The following CLMP variants were observed in gnomAD, a reference collection of about 807,000 sequenced individuals.
CLMP encodes CXADR like cell adhesion molecule, also known as CXADR-like membrane protein.
A neutral mutation model predicts 45.2 loss-of-function variants in CLMP; 27 were observed. The ratio of observed to expected loss-of-function variants is 0.60; its 90% CI spans 0.44 to 0.82. The LOEUF is 0.82. Ranked by LOEUF, CLMP falls within the 40% of genes least tolerant of loss-of-function variation. CLMP has a pLI of 0.00. For synonymous variants in CLMP, 167 were observed against 171.4 expected, an observed-to-expected ratio of 0.97 and a Z score of 0.20; for missense variants, 403 against 448.4, an observed-to-expected ratio of 0.90 and a Z score of 0.91.
chr11:123,083,724 T>G lies in CLMP; in HGVS notation c.512A>C (p.Glu171Ala). The change falls in exon 4 of 7, where the codon GAG (glutamate) becomes GCG (alanine). Residue 171 changes from glutamate to alanine, a missense_variant. Transcript: ENST00000448775. ...PIVYYWQRIR[E>A]KEGEDERLPP... ...CAGACGTTCATCCTCTCCCTCTTTC[T>G]CTCGGATTCGCTGCCAGTAATACAC... The G allele has an allele frequency of 6.2e-7, 1 of 1,614,094 alleles. No individual in the cohort carries two copies. The highest frequency in any genetic ancestry group is 8.5e-7 in the Non-Finnish European group (1 of 1,180,034).
chr11:123,095,846 A>G (rs975364559), intron 2 of CLMP, among the ~76,000 whole-genome samples: 8 of 152,216 alleles, frequency 5.3e-5, no homozygotes, highest in Non-Finnish European at 1.2e-4. Context: ...ACTTAGCAGC[A>G]TTCTTGCTCA....
chr11:123,109,176 C>T (rs1042763012), intron 1 of CLMP, among the ~76,000 whole-genome samples: 1 of 150,986 alleles, frequency 6.6e-6, no homozygotes, highest in African/African-American at 2.4e-5. Flanking sequence ...CATTAAAAAA[C>T]TGCACTGAGC....
At chr11:123,132,126 C>A (rs1861000775) in intron 1 of CLMP, among the ~76,000 whole-genome samples, 1 of 152,228 alleles carries the variant, frequency 6.6e-6, no homozygotes, top group Admixed American at 6.5e-5. Context: ...AGGAGCAGAA[C>A]TGAACCAAGT....
chr11:123,186,047 C>A (rs1324233516), intron 1 of CLMP, among the ~76,000 whole-genome samples: 1 of 152,164 alleles, frequency 6.6e-6, no homozygotes, highest in Non-Finnish European at 1.5e-5. Context: ...GACCTGGCTG[C>A]CTCGTCATGC....
intron 1 of CLMP, among the ~76,000 whole-genome samples, chr11:123,098,743 G>A (rs1866020132): frequency 7.5e-6 from 1 of 132,490 alleles, no homozygotes; most frequent in African/African-American, 2.9e-5. Context: ...GTCTCGCTCT[G>A]TCACCCAGGC....
At chr11:123,153,846 C>CTTT (rs60591379) in intron 1 of CLMP, among the ~76,000 whole-genome samples, 1 of 123,948 alleles carries the variant, frequency 8.1e-6, no homozygotes, top group African/African-American at 3.1e-5. Flanking sequence ...CCATGCCTCA[C>CTTT]TTTTTTTTTT....
At chr11:123,130,415 TA>T (rs199666853) in intron 1 of CLMP, among the ~76,000 whole-genome samples, 1 of 152,112 alleles carries the variant, frequency 6.6e-6, no homozygotes, top group African/African-American at 2.4e-5. Flanking sequence ...TCGGCAAAAT[TA>T]AAAAGGAAGA....
At chr11:123,076,327 T>TCAGTGCCTACCCTGAGCCAGG (rs1865740149) in intron 5 of CLMP, among the ~76,000 whole-genome samples, 1 of 152,246 alleles carries the variant, frequency 6.6e-6, no homozygotes, top group Non-Finnish European at 1.5e-5. Context: ...AATATTTATT[T>TCAGTGCCTACCCTGAGCCAGG]CAGTGCCTAC....
chr11:123,110,007 G>C (rs184836211), intron 1 of CLMP, among the ~76,000 whole-genome samples: 77 of 152,228 alleles, frequency 5.1e-4, no homozygotes, highest in Non-Finnish European at 9.7e-4. Flanking sequence ...AGACCAAGGG[G>C]CAGCATTGTA....
At chr11:123,103,637 G>T (rs908573942) in intron 1 of CLMP, among the ~76,000 whole-genome samples, 1 of 152,106 alleles carries the variant, frequency 6.6e-6, no homozygotes, top group African/African-American at 2.4e-5. Context: ...CAGTTCGTTA[G>T]ACTCCAGGAG....
chr11:123,175,593 G>T (rs1196701284), intron 1 of CLMP, among the ~76,000 whole-genome samples: 1 of 152,174 alleles, frequency 6.6e-6, no homozygotes, highest in Non-Finnish European at 1.5e-5. Flanking sequence ...GAGTAGTTGG[G>T]ACTACAGGTG....
intron 1 of CLMP, among the ~76,000 whole-genome samples, chr11:123,189,137 C>T (rs1220263932): frequency 6.6e-6 from 1 of 152,210 alleles, no homozygotes; most frequent in African/African-American, 2.4e-5. Flanking sequence ...CATCCAAACA[C>T]ATTTCTTAAC....
intron 1 of CLMP, among the ~76,000 whole-genome samples, chr11:123,122,994 C>T (rs902630122): frequency 8.5e-5 from 13 of 152,124 alleles, no homozygotes; most frequent in African/African-American, 2.7e-4. Context: ...CAAAATAACT[C>T]GTTCTTGCAC....
chr11:123,098,701 A>ATTTTT (rs1156546713), intron 1 of CLMP, among the ~76,000 whole-genome samples: 1 of 112,662 alleles, frequency 8.9e-6, no homozygotes, highest in Non-Finnish European at 1.8e-5. Context: ...ATCCTGGCTA[A>ATTTTT]TTTTTTTTTT....
At chr11:123,186,851 C>T (rs1374517842) in intron 1 of CLMP, among the ~76,000 whole-genome samples, 1 of 152,042 alleles carries the variant, frequency 6.6e-6, no homozygotes. Flanking sequence ...GGACCTGGAG[C>T]AGGGCAATAT....
At chr11:123,159,128 C>A (rs137949973) in intron 1 of CLMP, among the ~76,000 whole-genome samples, 1 of 152,288 alleles carries the variant, frequency 6.6e-6, no homozygotes, top group East Asian at 1.9e-4. Context: ...TTAAAGAAAT[C>A]ATTGTGCTTA....
In CLMP at chr11:123,195,168, A is replaced by G. The variant is rs898222658; in HGVS notation, c.-228T>C. Reference sequence around the variant, plus strand: ...TGGCGCCCGGACGGGAGCCGGGACCAGGGTCAGGGAGGAAAACGCGAGGCG... The same window carrying G: ...TGGCGCCCGGACGGGAGCCGGGACCGGGGTCAGGGAGGAAAACGCGAGGCG... On this transcript the variant is annotated 5_prime_UTR_variant, in exon 1 of 7. Coordinates refer to ENST00000448775, the MANE Select transcript of CLMP (RefSeq NM_024769.5). 4.5e-5 allele frequency: 13 copies of G among 287,384 alleles called. No individual in the cohort carries two copies. The highest frequency in any genetic ancestry group is 7.0e-5 in the Non-Finnish European group (11 of 156,502). 17.8% of individuals were successfully genotyped at this position (287,384 alleles called of 1,614,324 possible).
At chr11:123,106,893 G>C (rs1227820128) in intron 1 of CLMP, among the ~76,000 whole-genome samples, 1 of 151,882 alleles carries the variant, frequency 6.6e-6, no homozygotes, top group Admixed American at 6.6e-5. Context: ...GGTGGTGGGC[G>C]CCTGTAGTCC....
At chr11:123,099,303 T>C (rs551738488) in intron 1 of CLMP, among the ~76,000 whole-genome samples, 13 of 152,314 alleles carry the variant, frequency 8.5e-5, no homozygotes, top group African/African-American at 2.9e-4. Flanking sequence ...TCTTTAAGTC[T>C]AGTAACAGTT....
Sources: gnomAD v4.1 joint callset for allele counts (sites outside exome capture counted in the v4.1 genomes callset) on GRCh38, gnomAD v4.1.1 for gene constraint, MANE v1.5 for transcripts, NCBI Gene and HGNC (gene_info 2026-07-23, HGNC 2026-07-21) for gene names.